Variants in NTM observed in about 807,000 individuals in gnomAD.
The protein encoded by NTM is IgLON family member 2.
NTM carries 13 observed loss-of-function variants against 42.1 expected under a neutral mutation model. The ratio of observed to expected loss-of-function variants is 0.31; its 90% CI spans 0.20 to 0.49. The LOEUF (loss-of-function observed/expected upper bound fraction) is 0.49. NTM is among the 20% of genes least tolerant of loss of function. The probability of loss-of-function intolerance (pLI) is 0.99; values close to 1 mark genes in which losing one functional copy is unlikely to be tolerated. For missense variants in NTM, 373 were observed against 452.8 expected, an observed-to-expected ratio of 0.82 and a Z score of 1.60; for synonymous variants, 187 against 179.2, an observed-to-expected ratio of 1.04 and a Z score of -0.35.
intron 2 of NTM, among the ~76,000 whole-genome samples, chr11:132,124,808 T>C (rs2065406546): frequency 6.6e-6 from 1 of 152,168 alleles, no homozygotes; most frequent in South Asian, 2.1e-4. Flanking sequence ...AACAAGACCC[T>C]GTCTCTACAA....
chr11:131,552,560 A>T (rs950994733), intron 1 of NTM, among the ~76,000 whole-genome samples: 10 of 151,272 alleles, frequency 6.6e-5, no homozygotes, highest in Admixed American at 6.6e-4. Flanking sequence ...TCACAACTGT[A>T]ATCCCAGCAC....
intron 1 of NTM, among the ~76,000 whole-genome samples, chr11:131,590,190 T>A (rs897406375): frequency 6.6e-6 from 1 of 152,172 alleles, no homozygotes. Context: ...CAGTCAAAAG[T>A]CATCTGTGTC....
chr11:131,645,384 G>C (rs370319307), intron 1 of NTM, among the ~76,000 whole-genome samples: 6 of 152,166 alleles, frequency 3.9e-5, no homozygotes, highest in East Asian at 3.9e-4. Flanking sequence ...TCAGACACCA[G>C]TGGCTGGAGA....
At chr11:132,121,445 A>G (rs1452213628) in intron 2 of NTM, among the ~76,000 whole-genome samples, 1 of 152,208 alleles carries the variant, frequency 6.6e-6, no homozygotes, top group Non-Finnish European at 1.5e-5. Context: ...GATGAAATGC[A>G]GGAGATGAGG....
intron 3 of NTM, among the ~76,000 whole-genome samples, chr11:132,179,674 T>C (rs2077281079): frequency 6.6e-6 from 1 of 152,220 alleles, no homozygotes; most frequent in Non-Finnish European, 1.5e-5. Context: ...TGACCCACTC[T>C]ATTATAGTAA....
At chr11:131,767,952 G>A (rs1318065202) in intron 1 of NTM, among the ~76,000 whole-genome samples, 1 of 152,088 alleles carries the variant, frequency 6.6e-6, no homozygotes, top group African/African-American at 2.4e-5. Context: ...GGTGATGAGA[G>A]GTCATGTGTT....
chr11:132,169,722 T>C (rs1020813962), intron 3 of NTM, among the ~76,000 whole-genome samples: 4 of 152,154 alleles, frequency 2.6e-5, no homozygotes, highest in Non-Finnish European at 5.9e-5. Context: ...AGCAGAATAC[T>C]GACAGACAAG....
In NTM at chr11:132,002,304, A is replaced by G. The variant is rs964779311; in HGVS notation, c.167+90656A>G. On this transcript the variant is annotated intron_variant, in intron 2 of 8. Coordinates refer to ENST00000683400, the MANE Select transcript of NTM (RefSeq NM_001352005.2). This position sits in a 1 kb window ranked among gnomAD's most constrained non-coding sequence, Gnocchi z 4.5. ...ACAAAAGCGATGAAATTTAATAATT[A>G]TTTAGTTATTTGGAACATTAATATG... 2.0e-5 allele frequency among the ~76,000 whole-genome samples: 3 copies of G among 152,170 alleles called. No individual in the cohort carries two copies.
At chr11:131,421,297 G>A (rs542621028) in intron 1 of NTM, among the ~76,000 whole-genome samples, 2 of 152,328 alleles carry the variant, frequency 1.3e-5, no homozygotes, top group Non-Finnish European at 1.5e-5. Context: ...TGAAGCGACA[G>A]GGTTCACCTG....
At chr11:132,139,861 G>A (rs1044299756) in intron 2 of NTM, among the ~76,000 whole-genome samples, 4 of 152,202 alleles carry the variant, frequency 2.6e-5, no homozygotes, top group African/African-American at 4.8e-5. Context: ...GTGTGCCTAC[G>A]TTGTACTCTA....
intron 2 of NTM, among the ~76,000 whole-genome samples, chr11:131,961,865 C>T (rs1180735026): frequency 6.6e-6 from 1 of 152,058 alleles, no homozygotes; most frequent in Non-Finnish European, 1.5e-5. Context: ...GTGGTAGTCC[C>T]TGCATTCGAA....
At chr11:132,013,808 A>G (rs1336696164) in intron 2 of NTM, among the ~76,000 whole-genome samples, 1 of 152,130 alleles carries the variant, frequency 6.6e-6, no homozygotes. Flanking sequence ...TGTTACGTGT[A>G]TAGAATGTGT....
intron 1 of NTM, among the ~76,000 whole-genome samples, chr11:131,572,693 C>G (rs981534152): frequency 6.6e-6 from 1 of 152,138 alleles, no homozygotes; most frequent in African/African-American, 2.4e-5. Flanking sequence ...GCTCTGGGAG[C>G]TTAAAAAGCC....
intron 1 of NTM, among the ~76,000 whole-genome samples, chr11:131,651,584 G>A (rs1359925590): frequency 1.3e-5 from 2 of 152,162 alleles, no homozygotes; most frequent in African/African-American, 4.8e-5. Flanking sequence ...TCTCACGCCT[G>A]TAATCCCAGC....
At chr11:131,780,994 A>T (rs1288466021) in intron 1 of NTM, among the ~76,000 whole-genome samples, 2 of 152,216 alleles carry the variant, frequency 1.3e-5, no homozygotes, top group Non-Finnish European at 1.5e-5. Context: ...CACAATTTTT[A>T]AAAAATTATA....
chr11:131,398,297 TTG>T (rs779572850), intron 1 of NTM, among the ~76,000 whole-genome samples: 78 of 152,324 alleles, frequency 5.1e-4, no homozygotes, highest in Non-Finnish European at 1.0e-3. Context: ...TTGATGTATT[TTG>T]TTTAGCTTAA....
chr11:132,165,179 A>G (rs2075072717), intron 3 of NTM, among the ~76,000 whole-genome samples: 1 of 152,180 alleles, frequency 6.6e-6, no homozygotes, highest in African/African-American at 2.4e-5. Flanking sequence ...AAAGTGGCAC[A>G]ATGTATTCAA....
At chr11:131,373,760 T>C (rs1288993290) in intron 1 of NTM, among the ~76,000 whole-genome samples, 1 of 152,166 alleles carries the variant, frequency 6.6e-6, no homozygotes, top group Non-Finnish European at 1.5e-5. Context: ...TATTGTTTCT[T>C]TTAACACCTT....
At chr11:131,501,480 A>C (rs2046823996) in intron 1 of NTM, among the ~76,000 whole-genome samples, 1 of 152,174 alleles carries the variant, frequency 6.6e-6, no homozygotes, top group Non-Finnish European at 1.5e-5. Flanking sequence ...AGGAACATGC[A>C]GGAGATGATG....
Sources: allele counts gnomAD v4.1 joint callset (sites outside exome capture counted in the v4.1 genomes callset), GRCh38; gene constraint gnomAD v4.1.1; non-coding constraint Gnocchi (gnomAD v3.1); transcripts MANE v1.5; gene names NCBI Gene and HGNC (gene_info 2026-07-23, HGNC 2026-07-21).